Variants in ANKRD30A observed in about 807,000 individuals in gnomAD.
The protein encoded by ANKRD30A is ankyrin repeat domain 30A.
In ANKRD30A, 170 loss-of-function variants were observed where a neutral mutation model predicts 166.3. That is an observed-to-expected ratio of 1.02 (90% CI 0.90 to 1.16). The LOEUF (loss-of-function observed/expected upper bound fraction) is 1.16. ANKRD30A is among the 50% of genes most tolerant of loss of function. The probability of loss-of-function intolerance (pLI) is 0.00; values close to 1 mark genes in which losing one functional copy is unlikely to be tolerated. For synonymous variants in ANKRD30A, 564 were observed against 508.9 expected, an observed-to-expected ratio of 1.11 and a Z score of -1.46; for missense variants, 1,630 against 1,518.0, an observed-to-expected ratio of 1.07 and a Z score of -1.23.
chr10:37,147,306 A>C, intron 8 of ANKRD30A, 64 bp from the exon 9 acceptor site: 1 of 1,260,210 alleles, frequency 7.9e-7, no homozygotes, highest in Non-Finnish European at 1.1e-6. Flanking sequence ...AAAATATTTT[A>C]ATTAGGAATT....
chr10:37,249,651 A>G, the ANKRD30A span, among the ~76,000 whole-genome samples: 1 of 152,198 alleles, frequency 6.6e-6, no homozygotes, highest in Non-Finnish European at 1.5e-5. Context: ...CTGTCATTGC[A>G]GTGACAAAAC....
intron 31 of ANKRD30A, among the ~76,000 whole-genome samples, chr10:37,206,106 T>G (rs527623360): frequency 6.6e-6 from 1 of 152,234 alleles, no homozygotes; most frequent in African/African-American, 2.4e-5. Flanking sequence ...GTAGGAAAAT[T>G]TATTTTAAAA....
chr10:37,149,853 A>C lies in ANKRD30A; in HGVS notation c.1645+4A>C, dbSNP rs766375213. The C allele has an allele frequency of 6.3e-5, 101 of 1,612,298 alleles. No individual in the cohort carries two copies. The highest frequency in any genetic ancestry group is 1.7e-4 in the Middle Eastern group (1 of 6,048). On this transcript the variant is annotated splice_donor_region_variant and intron_variant, in intron 11 of 35. Coordinates refer to ENST00000361713, the MANE Select transcript of ANKRD30A (RefSeq NM_052997.3). ...AATGAACAAACATTGAGAGCAGGTA[A>C]ATTTTTCAATTTAACTATGCAAAGA...
At chr10:37,132,785 GC>G (rs773856736) in intron 4 of ANKRD30A, among the ~76,000 whole-genome samples, 13 of 152,130 alleles carry the variant, frequency 8.5e-5, no homozygotes, top group Non-Finnish European at 1.3e-4. Context: ...ATCACTTGAG[GC>G]CAGGAGTTTG....
rs749740993 is a variant in ANKRD30A at position 37,153,671 on chromosome 10, C to T, written c.1798+9C>T. ...AAATGGAAAATTAGAAGGTAAGAAC[C>T]GTTTTTTATTTAAAAATCAGTTGAC... is the stretch of plus-strand genomic sequence containing the variant. On this transcript the variant is annotated intron_variant, in intron 13 of 35. Coordinates refer to ENST00000361713, the MANE Select transcript of ANKRD30A (RefSeq NM_052997.3). 92 of 1,610,060 alleles carry T rather than the reference C, an allele frequency of 5.7e-5. No individual in the cohort carries two copies. Among genetic ancestry groups the T allele is most frequent in the Non-Finnish European group, 7.0e-5 (82 of 1,179,008 alleles).
chr10:37,190,159 C>A (rs185178913), intron 25 of ANKRD30A, among the ~76,000 whole-genome samples: 1 of 151,994 alleles, frequency 6.6e-6, no homozygotes, highest in East Asian at 1.9e-4. Context: ...GTCATATACA[C>A]TCTGTATAGA....
At chr10:37,195,953 G>T (rs1378683721) in intron 27 of ANKRD30A, among the ~76,000 whole-genome samples, 1 of 152,062 alleles carries the variant, frequency 6.6e-6, no homozygotes, top group Non-Finnish European at 1.5e-5. Context: ...AGCCAGAGAA[G>T]AAGAAGGAAA....
chr10:37,190,832 A>T (rs536128001), intron 25 of ANKRD30A, among the ~76,000 whole-genome samples: 11 of 151,898 alleles, frequency 7.2e-5, no homozygotes, highest in South Asian at 6.3e-4. Context: ...ATATATATAT[A>T]TAGATGTATG....
intron 34 of ANKRD30A, among the ~76,000 whole-genome samples, chr10:37,228,014 C>A (rs1313451277): frequency 1.3e-5 from 2 of 151,902 alleles, no homozygotes; most frequent in African/African-American, 2.4e-5. Flanking sequence ...TGGTACAGTT[C>A]CTGCATTCCC....
At chr10:37,201,843 T>G (rs1841645411) in intron 31 of ANKRD30A, among the ~76,000 whole-genome samples, 1 of 152,120 alleles carries the variant, frequency 6.6e-6, no homozygotes, top group Admixed American at 6.6e-5. Context: ...CACCTGACCA[T>G]GGAGAGCTGT....
chr10:37,226,462 C>A (rs930430711), intron 34 of ANKRD30A, among the ~76,000 whole-genome samples: 1 of 151,698 alleles, frequency 6.6e-6, no homozygotes, highest in African/African-American at 2.4e-5. Flanking sequence ...GGAAACCCAT[C>A]TCACATGCAG....
At chr10:37,156,895 C>G (rs1201072007) in intron 13 of ANKRD30A, among the ~76,000 whole-genome samples, 1 of 152,088 alleles carries the variant, frequency 6.6e-6, no homozygotes, top group Non-Finnish European at 1.5e-5. Context: ...CACATACATG[C>G]AATATGGTCA....
chr10:37,265,802 A>G, the ANKRD30A span, among the ~76,000 whole-genome samples: 1 of 152,208 alleles, frequency 6.6e-6, no homozygotes. Context: ...AGGAATACAT[A>G]TTTTAGGGGC....
chr10:37,196,101 T>TTA (rs1841077984), intron 27 of ANKRD30A, among the ~76,000 whole-genome samples: 2 of 148,236 alleles, frequency 1.3e-5, no homozygotes, highest in African/African-American at 4.9e-5. Context: ...CTATTTTTTT[T>TTA]TTTTTTTTTT....
chr10:37,202,416 A>G (rs937926859), intron 31 of ANKRD30A, among the ~76,000 whole-genome samples: 1 of 152,184 alleles, frequency 6.6e-6, no homozygotes, highest in African/African-American at 2.4e-5. Context: ...CAAGGCAGAA[A>G]TAAATATGTT....
intron 6 of ANKRD30A, among the ~76,000 whole-genome samples, chr10:37,139,196 A>G (rs1054112171): frequency 2.6e-5 from 4 of 152,246 alleles, no homozygotes; most frequent in African/African-American, 9.6e-5. Flanking sequence ...TGTCAACAAC[A>G]TTTGAATATT....
At position 37,132,231 on chromosome 10, in the gene ANKRD30A, A is replaced by G. The variant is rs753929827; in HGVS notation, c.511-9A>G. 3 of 1,548,940 alleles carry G rather than the reference A, an allele frequency of 1.9e-6. No homozygotes were observed. The highest frequency in any genetic ancestry group is 2.5e-5 in the South Asian group (2 of 79,842). On this transcript the variant is annotated splice_polypyrimidine_tract_variant and intron_variant, in intron 3 of 35. Coordinates refer to ENST00000361713, the MANE Select transcript of ANKRD30A (RefSeq NM_052997.3). ...TTCATGAATTATAAATTGTTTTGCT[A>G]TTTTACAGGCTAGCCTCACACCACT...
At chr10:37,139,244 A>G (rs890629639) in intron 6 of ANKRD30A, among the ~76,000 whole-genome samples, 18 of 152,346 alleles carry the variant, frequency 1.2e-4, no homozygotes, top group African/African-American at 4.1e-4. Context: ...TGGTTGAGAC[A>G]CATAACCAGA....
In ANKRD30A at chr10:37,162,843, G is replaced by GA; in HGVS notation, c.1998dup (p.Ala667SerfsTer3). On this transcript the variant is annotated frameshift_variant, in exon 17 of 36. Transcript: ENST00000361713. LOFTEE classifies it high-confidence loss of function. ...GAATTGAAAAATGAACAAACATTGAGAGCAGGTAAATTTTTCAATGTAACT... is the reference window on the plus strand; with the variant it reads ...GAATTGAAAAATGAACAAACATTGAGAAGCAGGTAAATTTTTCAATGTAACT... The GA allele has an allele frequency of 6.2e-7, 1 of 1,613,172 alleles. No individual in the cohort carries two copies. Among genetic ancestry groups the GA allele is most frequent in the Non-Finnish European group, 8.5e-7 (1 of 1,179,576 alleles).
Sources: gnomAD v4.1 joint callset for allele counts (sites outside exome capture counted in the v4.1 genomes callset) on GRCh38, gnomAD v4.1.1 for gene constraint, MANE v1.5 for transcripts, NCBI Gene and HGNC (gene_info 2026-07-23, HGNC 2026-07-21) for gene names.